The following CCDC141 variants were observed in gnomAD, a reference collection of about 807,000 sequenced individuals.
The protein encoded by CCDC141 is coiled-coil domain containing 141, also known as coiled-coil domain-containing protein 141.
A neutral mutation model predicts 181.0 loss-of-function variants in CCDC141; 168 were observed. The observed-to-expected ratio is 0.93, with a 90% CI of 0.82 to 1.05. The LOEUF is 1.05. Among genes scored for constraint, CCDC141 ranks in the 50% least tolerant of loss-of-function variants. The pLI, the probability that CCDC141 is intolerant of heterozygous loss-of-function variation, is 0.00. For synonymous variants in CCDC141, 666 were observed against 642.3 expected (o/e 1.04, Z -0.56); for missense variants, 1,902 against 1,788.5 (o/e 1.06, Z -1.14).
the CCDC141 span, among the ~76,000 whole-genome samples, chr2:178,821,264 A>AT: frequency 2.0e-5 from 3 of 152,058 alleles, no homozygotes; most frequent in Admixed American, 2.0e-4. Context: ...ATATATTTAT[A>AT]TTTTTTCTTT....
chr2:178,839,731 A>G (rs1374835577), intron 22 of CCDC141, among the ~76,000 whole-genome samples: 1 of 152,144 alleles, frequency 6.6e-6, no homozygotes, highest in Admixed American at 6.5e-5. Context: ...CCATTTACTA[A>G]AAGTTTAAAT....
chr2:179,034,318 G>A (rs1435549215), intron 2 of CCDC141, among the ~76,000 whole-genome samples: 2 of 152,142 alleles, frequency 1.3e-5, no homozygotes, highest in Non-Finnish European at 2.9e-5. Flanking sequence ...GACACATGGA[G>A]GGGAACAACA....
In CCDC141 at chr2:179,015,063, C is replaced by CAGAG. The variant is rs202000740; in HGVS notation, c.225+32217_225+32220dup. Among the ~76,000 whole-genome samples, 8 of 68,652 alleles carry CAGAG rather than the reference C, an allele frequency of 1.2e-4. No homozygotes were observed. The East Asian group carries it at 4.1e-3, about 35-fold the overall frequency. 45.0% of individuals were successfully genotyped at this position (68,652 alleles called of 152,430 possible). On this transcript the variant is annotated intron_variant, in intron 2 of 23. Transcript: ENST00000443758. ...ATGAGTGGATAAACTGTGAGAGAGA[C>CAGAG]AGAGATATATATATATATATATATA... is the stretch of plus-strand genomic sequence containing the variant.
rs890888696 is a variant in CCDC141, at chr2:178,861,355, GC to G, written c.2724+4411del. Reference sequence around the variant, plus strand: ...CTAATTTTTAAAAATTTTTTGTAGGGCCGGGCACAGTGGCTCACGCCTGTAA... The same window carrying G: ...CTAATTTTTAAAAATTTTTTGTAGGGCGGGCACAGTGGCTCACGCCTGTAA... On this transcript the variant is annotated intron_variant, in intron 17 of 23. Coordinates refer to ENST00000443758, the MANE Select transcript of CCDC141 (RefSeq NM_173648.4). Among the ~76,000 whole-genome samples, 19 of 152,092 alleles carry G rather than the reference GC, an allele frequency of 1.2e-4. 1 individual carries two copies. The highest frequency in any genetic ancestry group is 5.9e-4 in the Admixed American group (9 of 15,286).
chr2:178,853,398 T>C, intron 20 of CCDC141, 43 bp downstream of exon 20: 1 of 1,578,222 alleles, frequency 6.3e-7, no homozygotes, highest in Non-Finnish European at 8.7e-7. Context: ...CAGTATAGAT[T>C]TGTTCAATGG....
intron 16 of CCDC141, among the ~76,000 whole-genome samples, chr2:178,866,506 T>C (rs1051731296): frequency 1.3e-5 from 2 of 152,256 alleles, no homozygotes; most frequent in African/African-American, 4.8e-5. Flanking sequence ...TGTATTTCTA[T>C]ATCTTTCAGT....
At chr2:179,041,169 T>TCACGCCATTTTCCTGCCTC (rs1192356920) in intron 2 of CCDC141, among the ~76,000 whole-genome samples, 1 of 152,140 alleles carries the variant, frequency 6.6e-6, no homozygotes, top group Non-Finnish European at 1.5e-5. Flanking sequence ...CCTCCTGGGT[T>TCACGCCATTTTCCTGCCTC]CACGCCATTT....
At chr2:178,991,979 A>G (rs557902134) in intron 2 of CCDC141, among the ~76,000 whole-genome samples, 83 of 152,184 alleles carry the variant, frequency 5.5e-4, no homozygotes, top group African/African-American at 2.0e-3. Context: ...AAATCTTATC[A>G]TCATCTGCCT....
At chr2:178,944,479 C>A (rs1420663326) in intron 6 of CCDC141, 56 bp downstream of exon 6, 10 of 780,920 alleles carry the variant, frequency 1.3e-5, no homozygotes, top group Non-Finnish European at 1.7e-5. Flanking sequence ...GAAGTATATT[C>A]AAGAAAAGTT....
In CCDC141 at chr2:178,886,785, C is replaced by G; in HGVS notation, c.1494G>C (p.Leu498Phe). 1 of 1,469,792 alleles carries G rather than the reference C, an allele frequency of 6.8e-7. No homozygotes were observed. Among genetic ancestry groups the G allele is most frequent in the African/African-American group, 1.4e-5 (1 of 69,004 alleles). The allele number at this position is 1,469,792 out of a possible 1,614,324, so 91.0% of individuals were successfully genotyped here. Residue 498 changes from leucine (L) to phenylalanine (F), a missense_variant, in exon 10 of 24, where the codon TTG (leucine) becomes TTC (phenylalanine). Physicochemically the swap from Leu to Phe is conservative, Grantham distance 22. Transcript: ENST00000443758. Reference protein sequence around the residue: ...GSTRSESEKILNKYLELDIQA... With the variant: ...GSTRSESEKIFNKYLELDIQA... ...GGATATCTAGTTCCAGATATTTATT[C>G]AAAATCTTCTCTGATTCAGAACGGG... is the stretch of plus-strand genomic sequence containing the variant.
rs917431344 is a variant in CCDC141, at chr2:178,875,987, C to T, written c.1899+1977G>A. The T allele has an allele frequency of 4.0e-5, 6 of 151,840 alleles. No homozygotes were observed. The East Asian group carries it at 1.2e-3, about 29-fold the overall frequency. The allele number at this position is 151,840 out of a possible 1,614,324, so 9.4% of individuals were successfully genotyped here. On this transcript the variant is annotated intron_variant, in intron 12 of 23. Coordinates refer to ENST00000443758, the MANE Select transcript of CCDC141 (RefSeq NM_173648.4). ...TTTTCTTTTTTTTTGCAGTAAAGCA[C>T]CTAGATCACATAGGAACATGGGCAA...
intron 3 of CCDC141, among the ~76,000 whole-genome samples, chr2:178,976,579 A>G (rs1181384264): frequency 1.3e-5 from 2 of 152,176 alleles, no homozygotes; most frequent in Non-Finnish European, 2.9e-5. Flanking sequence ...CCTAAATTAT[A>G]GCACAGTGTT....
intron 16 of CCDC141, among the ~76,000 whole-genome samples, chr2:178,866,808 C>T (rs111624427): frequency 0.072 from 11,026 of 152,198 alleles, 583 homozygotes; most frequent in Admixed American, 0.16. Context: ...TCACTGCAAC[C>T]TCCGCCTCCT....
intron 8 of CCDC141, 140 bp from the exon 9 acceptor site, chr2:178,888,808 T>TGATAGCTA: frequency 1.2e-6 from 1 of 859,910 alleles, no homozygotes; most frequent in Non-Finnish European, 1.7e-6. Flanking sequence ...GTAGCTATCA[T>TGATAGCTA]CTCGGCATAG....
At chr2:178,850,246 C>A (rs935032528) in intron 20 of CCDC141, 85 bp from the exon 21 acceptor site, 9 of 711,422 alleles carry the variant, frequency 1.3e-5, no homozygotes, top group Non-Finnish European at 2.0e-5. Flanking sequence ...TCTCCCTGTC[C>A]AGTGTAAGGG....
chr2:178,828,610 C>T (rs1025710303), downstream of CCDC141, among the ~76,000 whole-genome samples: 8 of 152,150 alleles, frequency 5.3e-5, no homozygotes, highest in African/African-American at 1.4e-4. Context: ...GCTAGAGGAG[C>T]GGTTCTGGAG....
rs569278815 is a variant in CCDC141 at position 178,834,352 on chromosome 2, A to G, written c.4414T>C (p.Cys1472Arg). Residue 1472 changes from cysteine (C) to arginine (R), a missense_variant, in exon 24 of 24, where the codon TGC becomes CGC. Cys to Arg is a radical substitution (Grantham distance 180). Transcript: ENST00000443758. ...TRHSVFIPKVCKADAGLYVAR... is the reference protein window; with the variant it reads ...TRHSVFIPKVRKADAGLYVAR... ...ACATAGAGGCCTGCGTCTGCCTTGC[A>G]TACCTTTGGAATGAACACCGAATGC... 32 of 1,536,274 alleles carry G rather than the reference A, an allele frequency of 2.1e-5. No homozygotes were observed. The African/African-American group carries it at 3.3e-4, about 16-fold the overall frequency.
intron 11 of CCDC141, among the ~76,000 whole-genome samples, chr2:178,882,514 G>C (rs985597008): frequency 6.6e-6 from 1 of 152,156 alleles, no homozygotes; most frequent in Non-Finnish European, 1.5e-5. Flanking sequence ...TAGTTTATTG[G>C]AACCCATGGA....
chr2:178,899,710 C>T (rs575429671), intron 8 of CCDC141, among the ~76,000 whole-genome samples: 1 of 152,156 alleles, frequency 6.6e-6, no homozygotes, highest in South Asian at 2.1e-4. Context: ...GTCTCAGAAG[C>T]TATTGTGATG....
Sources: allele counts gnomAD v4.1 joint callset (sites outside exome capture counted in the v4.1 genomes callset), GRCh38; gene constraint gnomAD v4.1.1; transcripts MANE v1.5; gene names NCBI Gene and HGNC (gene_info 2026-07-23, HGNC 2026-07-21).